Variants in DAB1 observed in about 807,000 individuals in gnomAD.
DAB1 encodes the protein disabled homolog 1.
DAB1 carries 15 observed loss-of-function variants against 64.6 expected under a neutral mutation model. The observed-to-expected ratio is 0.23, with a 90% CI of 0.16 to 0.36. The LOEUF (loss-of-function observed/expected upper bound fraction) is 0.36, where lower values mean the gene tolerates loss of function less well. Ranked by LOEUF, DAB1 falls within the 10% of genes least tolerant of loss-of-function variation. DAB1 has a pLI of 1.00. For missense variants in DAB1, 596 were observed against 706.7 expected (o/e 0.84, Z 1.78); for synonymous variants, 235 against 251.9 (o/e 0.93, Z 0.64).
chr1:58,122,136 T>C (rs1390789682), intron 5 of DAB1, among the ~76,000 whole-genome samples: 4 of 152,146 alleles, frequency 2.6e-5, no homozygotes, highest in East Asian at 3.9e-4. Context: ...TATTGTACCA[T>C]ACCATGGACA....
At chr1:58,494,515 C>T (rs1469895265) in intron 3 of DAB1, among the ~76,000 whole-genome samples, 1 of 152,144 alleles carries the variant, frequency 6.6e-6, no homozygotes, top group Non-Finnish European at 1.5e-5. Context: ...TTGCAATCTA[C>T]TCAACTGACA....
At chr1:57,956,228 G>T (rs7537501) in intron 5 of DAB1, among the ~76,000 whole-genome samples, 1,774 of 152,264 alleles carry the variant, frequency 0.012, 33 homozygotes, top group African/African-American at 0.041. Flanking sequence ...CTCAAGGAGA[G>T]ACTAATTATA....
chr1:57,138,613 G>C (rs753648589), intron 3 of DAB1, among the ~76,000 whole-genome samples: 4 of 152,136 alleles, frequency 2.6e-5, no homozygotes, highest in African/African-American at 4.8e-5. Flanking sequence ...ATGGTTTCTA[G>C]ATTGCTCAAT....
At chr1:57,977,904 G>A (rs1051635169) in intron 5 of DAB1, among the ~76,000 whole-genome samples, 7 of 152,114 alleles carry the variant, frequency 4.6e-5, no homozygotes, top group East Asian at 1.9e-4. Flanking sequence ...ACTGCTCAAC[G>A]AAATAAGAGA....
chr1:57,542,328 T>C (rs1201059734), intron 7 of DAB1, among the ~76,000 whole-genome samples: 1 of 151,662 alleles, frequency 6.6e-6, no homozygotes, highest in Non-Finnish European at 1.5e-5. Context: ...TATTCTGAGA[T>C]TGTGCTGAGG....
chr1:57,577,607 T>C (rs2101545248), intron 7 of DAB1, among the ~76,000 whole-genome samples: 1 of 152,270 alleles, frequency 6.6e-6, no homozygotes, highest in East Asian at 1.9e-4. Context: ...TAAGGCCACA[T>C]GTGTGGGTGG....
chr1:57,509,322 AT>A (rs1191371069), intron 7 of DAB1, among the ~76,000 whole-genome samples: 1 of 152,112 alleles, frequency 6.6e-6, no homozygotes, highest in African/African-American at 2.4e-5. Flanking sequence ...CTCAGCAAAC[AT>A]GCATTGTGGA....
At chr1:57,340,295 C>A (rs1286962399) in intron 1 of DAB1, among the ~76,000 whole-genome samples, 2 of 152,186 alleles carry the variant, frequency 1.3e-5, no homozygotes, top group Admixed American at 1.3e-4. Context: ...TGCCTGTACA[C>A]AAGTTCATTC....
At chr1:57,803,475 ATGCAGTCTTCC>A (rs1311932248) in intron 6 of DAB1, among the ~76,000 whole-genome samples, 1 of 152,224 alleles carries the variant, frequency 6.6e-6, no homozygotes, top group Non-Finnish European at 1.5e-5. Flanking sequence ...ACCTGAGTTG[ATGCAGTCTTCC>A]TGCCACAGAG....
At chr1:57,640,276 T>C (rs553611124) in intron 7 of DAB1, among the ~76,000 whole-genome samples, 2 of 152,320 alleles carry the variant, frequency 1.3e-5, no homozygotes, top group East Asian at 3.9e-4. Context: ...TTTGTTAAAA[T>C]TTCTAGTTGA....
chr1:58,046,618 T>A (rs992754548), intron 5 of DAB1, among the ~76,000 whole-genome samples: 1 of 152,228 alleles, frequency 6.6e-6, no homozygotes, highest in Non-Finnish European at 1.5e-5. Context: ...TTCAAGGTAC[T>A]TAGCTAGAAC....
At chr1:57,167,935 A>C (rs1419962054) in intron 2 of DAB1, among the ~76,000 whole-genome samples, 1 of 152,212 alleles carries the variant, frequency 6.6e-6, no homozygotes, top group Non-Finnish European at 1.5e-5. Context: ...CAGTGAATGA[A>C]GGTCACAGGC....
At chr1:58,527,984 T>C (rs1646378370) in intron 1 of DAB1, among the ~76,000 whole-genome samples, 1 of 152,234 alleles carries the variant, frequency 6.6e-6, no homozygotes. Context: ...TAAAACTTTG[T>C]AGGAGATGAA....
intron 3 of DAB1, among the ~76,000 whole-genome samples, chr1:58,406,520 A>G (rs1644616662): frequency 6.6e-6 from 1 of 152,182 alleles, no homozygotes; most frequent in Non-Finnish European, 1.5e-5. Context: ...AATGATCACG[A>G]GAGGAACTTC....
chr1:58,188,227 G>A (rs997042064), intron 4 of DAB1, among the ~76,000 whole-genome samples: 3 of 152,160 alleles, frequency 2.0e-5, no homozygotes, highest in African/African-American at 7.2e-5. Flanking sequence ...CATTTTTATA[G>A]TGTGTAAAAT....
chr1:58,184,011 A>C (rs1656937070), intron 4 of DAB1, among the ~76,000 whole-genome samples: 8 of 152,042 alleles, frequency 5.3e-5, no homozygotes, highest in Admixed American at 4.6e-4. Flanking sequence ...CACACACTCC[A>C]AATCAATCCT....
intron 4 of DAB1, among the ~76,000 whole-genome samples, chr1:58,193,744 T>G (rs1162603540): frequency 6.6e-6 from 1 of 152,016 alleles, no homozygotes; most frequent in East Asian, 1.9e-4. Flanking sequence ...TAATGCCAGC[T>G]GCTCGGGAGG....
intron 6 of DAB1, 56 bp from the exon 7 acceptor site, chr1:57,071,117 G>A: frequency 1.4e-6 from 2 of 1,480,964 alleles, no homozygotes; most frequent in South Asian, 2.3e-5. Flanking sequence ...AGGAAGAGAT[G>A]TGAGACTGCA....
intron 7 of DAB1, among the ~76,000 whole-genome samples, chr1:57,581,258 A>C (rs1307495803): frequency 6.6e-6 from 1 of 152,260 alleles, no homozygotes; most frequent in Non-Finnish European, 1.5e-5. Flanking sequence ...ATAGAATGAC[A>C]TATTTTTAGT....
Sources: gnomAD v4.1 joint callset for allele counts (sites outside exome capture counted in the v4.1 genomes callset) on GRCh38, gnomAD v4.1.1 for gene constraint, MANE v1.5 for transcripts, NCBI Gene and HGNC (gene_info 2026-07-23, HGNC 2026-07-21) for gene names.